TBL1XR1: variants seen among roughly 807,000 people sequenced by gnomAD.
The protein encoded by TBL1XR1 is TBL1X/Y related 1.
A neutral mutation model predicts 66.9 loss-of-function variants in TBL1XR1; 5 were observed. The ratio of observed to expected loss-of-function variants is 0.07; its 90% CI spans 0.04 to 0.16. TBL1XR1 has a LOEUF of 0.16. Ranked by LOEUF, TBL1XR1 falls within the 10% of genes least tolerant of loss-of-function variation. The pLI is 1.00. For missense variants in TBL1XR1, 238 were observed against 623.2 expected (o/e 0.38, Z 6.58); for synonymous variants, 210 against 206.0 (o/e 1.02, Z -0.17).
intron 15 of TBL1XR1, among the ~76,000 whole-genome samples, chr3:177,025,767 T>C (rs942194916): frequency 1.3e-5 from 2 of 152,174 alleles, no homozygotes; most frequent in African/African-American, 4.8e-5. Flanking sequence ...TTTTATACTC[T>C]CTGTTGATTA....
intron 2 of TBL1XR1, among the ~76,000 whole-genome samples, chr3:177,072,099 T>C (rs1011148723): frequency 1.3e-5 from 2 of 152,210 alleles, no homozygotes; most frequent in Admixed American, 1.3e-4. Context: ...AATAGAATAG[T>C]ACCTTCTTAG....
Position 177,020,461 on chromosome 3 carries a change from C to A in TBL1XR1, c.*5037G>T, listed in dbSNP as rs1043960735. 3.3e-5 allele frequency: 5 copies of A among 152,010 alleles called. No individual in the cohort carries two copies. The highest frequency in any genetic ancestry group is 1.2e-4 in the African/African-American group (5 of 41,404). 9.4% of individuals were successfully genotyped at this position (152,010 alleles called of 1,614,324 possible). The stretch of plus-strand genomic sequence containing the variant: ...GTAAAATTTGTAATTTTATTATGGG[C>A]TTAAAGTATATATCTTGGGAAACAA... On this transcript the variant is annotated 3_prime_UTR_variant, in exon 16 of 16. Transcript: ENST00000457928.
intron 1 of TBL1XR1, among the ~76,000 whole-genome samples, chr3:177,106,655 G>T (rs910623481): frequency 6.6e-6 from 1 of 152,180 alleles, no homozygotes; most frequent in African/African-American, 2.4e-5. Flanking sequence ...GTGCTAATCA[G>T]TGCCTAGCAT....
At chr3:177,067,130 C>T (rs1018104352) in intron 2 of TBL1XR1, among the ~76,000 whole-genome samples, 11 of 152,158 alleles carry the variant, frequency 7.2e-5, no homozygotes, top group Admixed American at 7.2e-4. Context: ...GCACACATAG[C>T]AGGCACAGTC....
chr3:177,153,008 G>A (rs1176857453), intron 1 of TBL1XR1, among the ~76,000 whole-genome samples: 1 of 152,146 alleles, frequency 6.6e-6, no homozygotes, highest in Non-Finnish European at 1.5e-5. Flanking sequence ...GGGCGTGGTG[G>A]CGTGCACCTG....
chr3:177,059,309 A>C (rs1718206102), intron 3 of TBL1XR1, among the ~76,000 whole-genome samples: 1 of 152,212 alleles, frequency 6.6e-6, no homozygotes, highest in Non-Finnish European at 1.5e-5. Context: ...ACTGCACTGT[A>C]ATATTCATTA....
At chr3:177,137,103 T>C (rs1306347087) in intron 1 of TBL1XR1, among the ~76,000 whole-genome samples, 2 of 152,068 alleles carry the variant, frequency 1.3e-5, no homozygotes, top group Admixed American at 1.3e-4. Flanking sequence ...TTAAGCATTA[T>C]GGCATACATT....
At chr3:177,065,269 T>G (rs1473690014) in intron 2 of TBL1XR1, among the ~76,000 whole-genome samples, 1 of 152,230 alleles carries the variant, frequency 6.6e-6, no homozygotes, top group Non-Finnish European at 1.5e-5. Flanking sequence ...TTTAGAGGGC[T>G]TTAGCATAAT....
chr3:177,193,517 G>C (rs960496925), intron 1 of TBL1XR1, among the ~76,000 whole-genome samples: 4 of 152,108 alleles, frequency 2.6e-5, no homozygotes, highest in Non-Finnish European at 5.9e-5. Flanking sequence ...CACCATGCTG[G>C]CCAAGATGGT....
chr3:177,186,468 G>A (rs565089535), intron 1 of TBL1XR1, among the ~76,000 whole-genome samples: 4 of 152,214 alleles, frequency 2.6e-5, no homozygotes, highest in African/African-American at 9.6e-5. Context: ...CAAAGTAGAT[G>A]AGTCAATTGC....
chr3:177,039,923 T>C (rs977438373), intron 10 of TBL1XR1, among the ~76,000 whole-genome samples: 18 of 152,216 alleles, frequency 1.2e-4, no homozygotes, highest in Non-Finnish European at 2.2e-4. Flanking sequence ...GCAGAGCTGA[T>C]TAGTGGCAAC....
rs1483224886 is a variant in TBL1XR1, at chr3:177,197,341, G to A, written c.-342C>T. 1.4e-5 allele frequency: 2 copies of A among 146,804 alleles called. No individual in the cohort carries two copies. Among genetic ancestry groups the A allele is most frequent in the Non-Finnish European group, 3.0e-5 (2 of 65,648 alleles). The allele number at this position is 146,804 out of a possible 1,614,324, so 9.1% of individuals were successfully genotyped here. ...CGCGGGTCCCCAGGTGGCGAGCGGAGGTGCTCCCGCCGCGGGGGGAGGGGC... is the reference window on the plus strand; with the variant it reads ...CGCGGGTCCCCAGGTGGCGAGCGGAAGTGCTCCCGCCGCGGGGGGAGGGGC... On this transcript the variant is annotated 5_prime_UTR_variant, in exon 1 of 16. Transcript: ENST00000457928.
intron 1 of TBL1XR1, among the ~76,000 whole-genome samples, chr3:177,106,211 G>C (rs1724866093): frequency 2.0e-5 from 3 of 152,110 alleles, no homozygotes. Context: ...AGCTATGTGT[G>C]ACAAAATTTT....
intron 14 of TBL1XR1, chr3:177,026,690 T>C (rs1038320805): frequency 4.6e-5 from 21 of 456,326 alleles, no homozygotes; most frequent in Non-Finnish European, 7.6e-5. Flanking sequence ...CACACACATA[T>C]TCAGTTTCTC....
chr3:177,053,016 C>T lies in TBL1XR1; in HGVS notation c.204+757G>A, dbSNP rs190905839. Among the ~76,000 whole-genome samples, 88 of 152,252 alleles carry T rather than the reference C, an allele frequency of 5.8e-4. 2 individuals carry two copies. Among genetic ancestry groups the T allele is most frequent in the Admixed American group, 3.5e-3 (54 of 15,284 alleles). ...GCTAAGGAGGCAGAGGCAGGACAAT[C>T]GCTTGAACCCAGGAGGCGGAGGTTG... On this transcript the variant is annotated intron_variant, in intron 4 of 15. Transcript: ENST00000457928.
At chr3:177,160,759 A>AC (rs1179353012) in intron 1 of TBL1XR1, 3 of 151,982 alleles carry the variant, frequency 2.0e-5, no homozygotes, top group African/African-American at 7.3e-5. Flanking sequence ...ACTTTGGGAG[A>AC]CTGAGGAGGG....
intron 1 of TBL1XR1, among the ~76,000 whole-genome samples, chr3:177,187,235 A>G (rs1201606815): frequency 1.3e-5 from 2 of 149,286 alleles, no homozygotes; most frequent in African/African-American, 5.0e-5. Flanking sequence ...CTCTACTAAA[A>G]ATACAAAAAT....
chr3:177,179,041 C>T (rs1401466954), intron 1 of TBL1XR1, among the ~76,000 whole-genome samples: 3 of 145,554 alleles, frequency 2.1e-5, no homozygotes, highest in Non-Finnish European at 4.4e-5. Flanking sequence ...TGCTTGAAGC[C>T]GGGAGGTGGC....
intron 2 of TBL1XR1, among the ~76,000 whole-genome samples, chr3:177,066,352 A>G (rs892007825): frequency 4.6e-5 from 7 of 152,148 alleles, no homozygotes; most frequent in African/African-American, 1.4e-4. Context: ...TTAGCAGTCT[A>G]GGAACACATT....
Sources: gnomAD v4.1 joint callset for allele counts (sites outside exome capture counted in the v4.1 genomes callset) on GRCh38, gnomAD v4.1.1 for gene constraint, MANE v1.5 for transcripts, NCBI Gene and HGNC (gene_info 2026-07-23, HGNC 2026-07-21) for gene names.